ADGRB3: variants seen among roughly 807,000 people sequenced by gnomAD.
The protein encoded by ADGRB3 is brain-specific angiogenesis inhibitor 3.
A neutral mutation model predicts 193.4 loss-of-function variants in ADGRB3; 37 were observed. The ratio of observed to expected loss-of-function variants is 0.19; its 90% confidence interval spans 0.15 to 0.25. The LOEUF (loss-of-function observed/expected upper bound fraction) is 0.25, where lower values mean the gene tolerates loss of function less well. Ranked by LOEUF, ADGRB3 falls within the 10% of genes least tolerant of loss-of-function variation. ADGRB3 has a pLI of 1.00. For missense variants in ADGRB3, 1,637 were observed against 1,852.9 expected, an observed-to-expected ratio of 0.88 and a Z score of 2.14; for synonymous variants, 690 against 644.2, an observed-to-expected ratio of 1.07 and a Z score of -1.08.
At chr6:69,146,563 A>G (rs558279087) in intron 17 of ADGRB3, among the ~76,000 whole-genome samples, 29 of 152,332 alleles carry the variant, frequency 1.9e-4, no homozygotes, top group African/African-American at 7.0e-4. Flanking sequence ...CACCTGGGGA[A>G]CAAGAGGCTT....
At chr6:69,031,052 T>TTC in intron 13 of ADGRB3, among the ~76,000 whole-genome samples, 2 of 21,106 alleles carry the variant, frequency 9.5e-5, no homozygotes, top group African/African-American at 3.0e-4. Context: ...TTCTCTTCTC[T>TTC]TCTCTTCTCT....
chr6:69,030,956 T>TTTTCTTTTCTTTTCTTTTCTTTTC (rs58901577), intron 13 of ADGRB3, among the ~76,000 whole-genome samples: 1,057 of 72,412 alleles, frequency 0.015, 244 homozygotes, highest in African/African-American at 0.056. Context: ...TTCTTTTCTT[T>TTTTCTTTTCTTTTCTTTTCTTTTC]TTTTCTTTTC....
chr6:68,907,114 C>A (rs909092160), intron 3 of ADGRB3, among the ~76,000 whole-genome samples: 2 of 151,854 alleles, frequency 1.3e-5, no homozygotes, highest in African/African-American at 4.8e-5. Context: ...AATTCGGATT[C>A]AAATTTATAG....
At chr6:69,277,827 A>G (rs1223770322) in intron 20 of ADGRB3, among the ~76,000 whole-genome samples, 1 of 152,186 alleles carries the variant, frequency 6.6e-6, no homozygotes, top group Non-Finnish European at 1.5e-5. Context: ...TAGTTTCAGA[A>G]TCTGTAAAAT....
chr6:68,938,957 A>G (rs1220405739), intron 5 of ADGRB3, among the ~76,000 whole-genome samples: 1 of 152,182 alleles, frequency 6.6e-6, no homozygotes, highest in East Asian at 1.9e-4. Context: ...GGATCTCCAA[A>G]TGTGAGTCTG....
intron 26 of ADGRB3, among the ~76,000 whole-genome samples, chr6:69,342,851 T>A (rs907739390): frequency 5.9e-5 from 9 of 152,102 alleles, no homozygotes; most frequent in Non-Finnish European, 1.3e-4. Flanking sequence ...CCTGTGGACT[T>A]TTCTTTCTTA....
chr6:68,897,591 A>AGGGG (rs1562076596), intron 3 of ADGRB3, among the ~76,000 whole-genome samples: 1 of 58,614 alleles, frequency 1.7e-5, no homozygotes. Context: ...GAAGGGAGGG[A>AGGGG]TAGGGGAGGG....
chr6:69,119,108 A>G (rs1213551279), intron 17 of ADGRB3, among the ~76,000 whole-genome samples: 1 of 152,178 alleles, frequency 6.6e-6, no homozygotes, highest in African/African-American at 2.4e-5. Context: ...CCAGTTTTTC[A>G]CTGTCATGGA....
intron 10 of ADGRB3, among the ~76,000 whole-genome samples, chr6:68,993,310 T>C (rs1237537240): frequency 6.6e-6 from 1 of 152,146 alleles, no homozygotes; most frequent in Non-Finnish European, 1.5e-5. Context: ...TGCTGCTCTA[T>C]AGAGATGTGT....
chr6:69,329,136 G>A (rs1293216517), intron 22 of ADGRB3, among the ~76,000 whole-genome samples: 3 of 151,968 alleles, frequency 2.0e-5, no homozygotes, highest in Non-Finnish European at 4.4e-5. Flanking sequence ...ACCTCAGTTT[G>A]AAGATTAGTT....
In ADGRB3 at chr6:69,206,045, G is replaced by GTGTATA. The variant is rs1327162820; in HGVS notation, c.2481-27244_2481-27243insGTATAT. Among the ~76,000 whole-genome samples the GTGTATA allele has an allele frequency of 3.2e-3, 315 of 99,920 alleles. 2 individuals are homozygous for GTGTATA. Among genetic ancestry groups the GTGTATA allele is most frequent in the Middle Eastern group, 0.011 (2 of 174 alleles). The allele number at this position is 99,920 out of a possible 152,430, so 65.6% of individuals were successfully genotyped here. A position where few individuals can be genotyped will look rare whatever the true frequency, so the allele number is the denominator to read the frequency against. Reference sequence around the variant, plus strand: ...AGAGAGAATAATATATATAATAATGGTATATATATATATATATATATATAT... The same window carrying GTGTATA: ...AGAGAGAATAATATATATAATAATGGTGTATATATATATATATATATATATATATAT... On this transcript the variant is annotated intron_variant, in intron 17 of 31. Transcript: ENST00000370598.
intron 17 of ADGRB3, among the ~76,000 whole-genome samples, chr6:69,137,822 C>A (rs1462531789): frequency 3.3e-5 from 5 of 151,982 alleles, no homozygotes; most frequent in Admixed American, 3.3e-4. Flanking sequence ...AGAATTAGCC[C>A]CTTAAAGGTG....
Position 68,753,724 on chromosome 6 carries a change from A to G in ADGRB3, c.757+114292A>G, listed in dbSNP as rs147654842. Among the ~76,000 whole-genome samples the G allele has an allele frequency of 6.7e-3, 1,026 of 152,172 alleles. 10 individuals are homozygous for G. Among genetic ancestry groups the G allele is most frequent in the African/African-American group, 0.024 (980 of 41,522 alleles). On this transcript the variant is annotated intron_variant, in intron 3 of 31. Coordinates refer to ENST00000370598, the MANE Select transcript of ADGRB3 (RefSeq NM_001704.3). ...AGAGAGGCAAAAGTAAAGAAAAATT[A>G]TTTTTTCCTAACCTGTTTGTTTTTG...
intron 5 of ADGRB3, among the ~76,000 whole-genome samples, chr6:68,937,592 T>C (rs1163632536): frequency 6.6e-6 from 1 of 152,172 alleles, no homozygotes; most frequent in Admixed American, 6.5e-5. Flanking sequence ...GTAAAGAAAG[T>C]GACTTGCACT....
chr6:69,300,994 T>C (rs1472174396), intron 20 of ADGRB3, among the ~76,000 whole-genome samples: 2 of 151,794 alleles, frequency 1.3e-5, no homozygotes, highest in Non-Finnish European at 2.9e-5. Flanking sequence ...TAAAATACAA[T>C]TGATTCTTGA....
chr6:69,000,988 C>T (rs1769559286), intron 11 of ADGRB3, among the ~76,000 whole-genome samples: 1 of 152,024 alleles, frequency 6.6e-6, no homozygotes. Context: ...ATTTTAATTA[C>T]CAACATAGAA....
chr6:69,250,370 G>T (rs1393807198), intron 20 of ADGRB3, among the ~76,000 whole-genome samples: 1 of 151,556 alleles, frequency 6.6e-6, no homozygotes, highest in Non-Finnish European at 1.5e-5. Flanking sequence ...TCTTTGTTTA[G>T]AAATTTGTTA....
At chr6:69,288,556 T>C (rs1767600858) in intron 20 of ADGRB3, among the ~76,000 whole-genome samples, 1 of 152,196 alleles carries the variant, frequency 6.6e-6, no homozygotes, top group Non-Finnish European at 1.5e-5. Flanking sequence ...CTTACCATTC[T>C]CCAGAAACTG....
intron 18 of ADGRB3, among the ~76,000 whole-genome samples, chr6:69,233,745 C>A (rs1210811876): frequency 6.6e-6 from 1 of 152,096 alleles, no homozygotes; most frequent in Non-Finnish European, 1.5e-5. Context: ...GAAAGATATT[C>A]TGGGGAATTT....
Sources: gnomAD v4.1 joint callset for allele counts (sites outside exome capture counted in the v4.1 genomes callset) on GRCh38, gnomAD v4.1.1 for gene constraint, MANE v1.5 for transcripts, NCBI Gene and HGNC (gene_info 2026-07-23, HGNC 2026-07-21) for gene names.